TXLNB: variants seen among roughly 807,000 people sequenced by gnomAD.
TXLNB encodes the protein taxilin beta.
Under a neutral mutation model 57.4 loss-of-function variants are expected in TXLNB, and 37 were observed. The ratio of observed to expected loss-of-function variants is 0.64; its 90% CI spans 0.50 to 0.85. The LOEUF (loss-of-function observed/expected upper bound fraction) is 0.85, where lower values mean the gene tolerates loss of function less well. TXLNB is among the 40% of genes least tolerant of loss of function. TXLNB has a pLI of 0.00. For missense variants in TXLNB, 848 were observed against 825.6 expected (o/e 1.03, Z -0.33); for synonymous variants, 302 against 309.6 (o/e 0.98, Z 0.26).
the TXLNB span, among the ~76,000 whole-genome samples, chr6:139,228,681 G>C: frequency 6.6e-6 from 1 of 152,118 alleles, no homozygotes; most frequent in Non-Finnish European, 1.5e-5. Context: ...CCTCTTGGTA[G>C]GCAGAATTAC....
chr6:139,249,869 C>G (rs1470457280), intron 7 of TXLNB, among the ~76,000 whole-genome samples: 1 of 152,084 alleles, frequency 6.6e-6, no homozygotes, highest in East Asian at 1.9e-4. Flanking sequence ...GATTCCTTGA[C>G]ACACAGATTA....
At position 139,242,938 on chromosome 6, in the gene TXLNB, G is replaced by A. The variant is rs369352334; in HGVS notation, c.1643C>T (p.Pro548Leu). 6.1e-5 allele frequency: 99 copies of A among 1,614,034 alleles called. No individual in the cohort carries two copies. The highest frequency in any genetic ancestry group is 7.6e-5 in the Non-Finnish European group (90 of 1,180,034). ...CAGGGGACTCTCTGAATCCCGTGAA[G>A]GGATCAGAGGGGGTTGCTCTGGCTC... is the stretch of plus-strand genomic sequence containing the variant. ...LKEPEQPPLIPSRDSESPLPP... is the reference protein window; with the variant it reads ...LKEPEQPPLILSRDSESPLPP... Residue 548 changes from proline to leucine, a missense_variant, in exon 10 of 10, where the codon CCT becomes CTT. Coordinates refer to ENST00000358430, the MANE Select transcript of TXLNB (RefSeq NM_153235.4).
upstream of TXLNB, among the ~76,000 whole-genome samples, chr6:139,295,894 T>C (rs1367261925): frequency 2.0e-5 from 3 of 152,242 alleles, no homozygotes; most frequent in South Asian, 2.1e-4. Flanking sequence ...TTGCCTAGTA[T>C]TGAGAATACT....
chr6:139,163,632 G>A, the TXLNB span, among the ~76,000 whole-genome samples: 12 of 152,170 alleles, frequency 7.9e-5, no homozygotes, highest in East Asian at 1.9e-4. Flanking sequence ...GGGATTACAG[G>A]CGTGAGCCAC....
At chr6:139,272,664 C>T (rs1297132376) in intron 3 of TXLNB, among the ~76,000 whole-genome samples, 2 of 152,186 alleles carry the variant, frequency 1.3e-5, no homozygotes, top group African/African-American at 2.4e-5. Flanking sequence ...TAATTTTGCA[C>T]CATAGTTATT....
At chr6:139,190,158 T>TA in the TXLNB span, among the ~76,000 whole-genome samples, 254 of 152,318 alleles carry the variant, frequency 1.7e-3, 2 homozygotes, top group African/African-American at 5.8e-3. Flanking sequence ...AAGTGATTCT[T>TA]AGTCTGTTCA....
the TXLNB span, among the ~76,000 whole-genome samples, chr6:139,319,261 A>ATTT: frequency 7.7e-5 from 10 of 130,172 alleles, no homozygotes; most frequent in African/African-American, 2.0e-4. Context: ...TCCCTTTAAA[A>ATTT]TTTTTTTTTT....
chr6:139,301,314 G>T, the TXLNB span, among the ~76,000 whole-genome samples: 2 of 152,126 alleles, frequency 1.3e-5, no homozygotes, highest in Admixed American at 1.3e-4. Flanking sequence ...TTGGGTATCT[G>T]TATAGTGCCA....
At chr6:139,222,751 G>A in the TXLNB span, among the ~76,000 whole-genome samples, 2 of 152,202 alleles carry the variant, frequency 1.3e-5, no homozygotes, top group African/African-American at 2.4e-5. Context: ...AGATCGCAGT[G>A]AGCCGAGATT....
the TXLNB span, among the ~76,000 whole-genome samples, chr6:139,323,282 G>GTTT: frequency 3.7e-5 from 5 of 134,470 alleles, no homozygotes; most frequent in Non-Finnish European, 4.8e-5. Context: ...AATTTGTTTA[G>GTTT]TTTTTTTTTT....
In TXLNB at chr6:139,261,762, T is replaced by G. The variant is rs564451834; in HGVS notation, c.882+817A>C. On this transcript the variant is annotated intron_variant, in intron 5 of 9. Coordinates refer to ENST00000358430, the MANE Select transcript of TXLNB (RefSeq NM_153235.4). Reference sequence around the variant, plus strand: ...GCATAAGATTGTTGAGACAATTAAATGCCATATGGTATGTAAAGTACAGCA... The same window carrying G: ...GCATAAGATTGTTGAGACAATTAAAGGCCATATGGTATGTAAAGTACAGCA... Among the ~76,000 whole-genome samples, 4 of 152,228 alleles carry G rather than the reference T, an allele frequency of 2.6e-5. No homozygotes were observed. The East Asian group carries it at 7.7e-4, about 29-fold the overall frequency.
chr6:139,290,861 C>T (rs1376289390), intron 1 of TXLNB, among the ~76,000 whole-genome samples: 1 of 152,218 alleles, frequency 6.6e-6, no homozygotes, highest in Non-Finnish European at 1.5e-5. Flanking sequence ...AACTGCACAG[C>T]TTCCTTTTCC....
At chr6:139,258,320 C>G (rs2114499798) in intron 6 of TXLNB, among the ~76,000 whole-genome samples, 1 of 152,266 alleles carries the variant, frequency 6.6e-6, no homozygotes, top group South Asian at 2.1e-4. Context: ...CTTGTTCTTT[C>G]TCTTTCATGT....
chr6:139,276,949 A>T lies in TXLNB; in HGVS notation c.425-28T>A, dbSNP rs141933095. 2.7e-4 allele frequency: 426 copies of T among 1,551,258 alleles called. 2 individuals are homozygous for T. In the East Asian group the frequency reaches 9.2e-3, roughly 34 times the overall value. The stretch of plus-strand genomic sequence containing the variant: ...TAAAAAAAAAAGACATGAAAAAAAT[A>T]AGTGTTGAATTTACAGTCAGGTGAT... On this transcript the variant is annotated intron_variant, in intron 2 of 9. Coordinates refer to ENST00000358430, the MANE Select transcript of TXLNB (RefSeq NM_153235.4).
chr6:139,242,561 T>C lies in TXLNB; in HGVS notation c.2020A>G (p.Asn674Asp). Residue 674 changes from asparagine (N) to aspartate (D), a missense_variant, in exon 10 of 10, where the codon AAC (asparagine) becomes GAC (aspartate). Physicochemically the swap from Asn to Asp is conservative, Grantham distance 23. Transcript: ENST00000358430. ...CCTTCCAGATTGGTGTCAGCCACGTTGCGCGGCTGGGGCCCAGCTGAGGCC... is the reference window on the plus strand; with the variant it reads ...CCTTCCAGATTGGTGTCAGCCACGTCGCGCGGCTGGGGCCCAGCTGAGGCC... Reference protein sequence around the residue: ...VGASAGPQPRNVADTNLEGVD With the variant: ...VGASAGPQPRDVADTNLEGVD The C allele has an allele frequency of 3.3e-6, 5 of 1,515,166 alleles. No individual in the cohort carries two copies. Among genetic ancestry groups the C allele is most frequent in the Non-Finnish European group, 3.5e-6 (4 of 1,134,686 alleles). The allele number at this position is 1,515,166 out of a possible 1,614,324, so 93.9% of individuals were successfully genotyped here. A position where few individuals can be genotyped will look rare whatever the true frequency, so the allele number is the denominator to read the frequency against.
intron 2 of TXLNB, among the ~76,000 whole-genome samples, chr6:139,288,044 C>T (rs978991121): frequency 1.3e-5 from 2 of 152,110 alleles, no homozygotes; most frequent in African/African-American, 4.8e-5. Flanking sequence ...GCCTTGTGGG[C>T]GATGGAGCAT....
At chr6:139,285,371 GT>G (rs1284843066) in intron 2 of TXLNB, among the ~76,000 whole-genome samples, 1 of 142,626 alleles carries the variant, frequency 7.0e-6, no homozygotes, top group Non-Finnish European at 1.5e-5. Flanking sequence ...AACACTTGAA[GT>G]TGCTTACCTC....
At chr6:139,307,995 CG>C in the TXLNB span, among the ~76,000 whole-genome samples, 1 of 57,742 alleles carries the variant, frequency 1.7e-5, no homozygotes, top group Non-Finnish European at 4.2e-5. Context: ...CTTCTGCATG[CG>C]AGATTTCAGA....
the TXLNB span, among the ~76,000 whole-genome samples, chr6:139,162,652 G>A: frequency 1.3e-5 from 2 of 152,222 alleles, no homozygotes. Flanking sequence ...CAAGGCCCTG[G>A]AATCCCACAC....
Sources: allele counts gnomAD v4.1 joint callset (sites outside exome capture counted in the v4.1 genomes callset), GRCh38; gene constraint gnomAD v4.1.1; transcripts MANE v1.5; gene names NCBI Gene and HGNC (gene_info 2026-07-23, HGNC 2026-07-21).